Variants in ST6GALNAC3 observed in about 807,000 individuals in gnomAD.
ST6GALNAC3 encodes ST6 N-acetylgalactosaminide alpha-2,6-sialyltransferase 3.
ST6GALNAC3 carries 25 observed loss-of-function variants against 32.7 expected under a neutral mutation model. The ratio of observed to expected loss-of-function variants is 0.76; its 90% CI spans 0.56 to 1.07. The LOEUF (loss-of-function observed/expected upper bound fraction) is 1.07. Ranked by LOEUF, ST6GALNAC3 falls within the 50% of genes least tolerant of loss-of-function variation. The pLI, the probability that ST6GALNAC3 is intolerant of heterozygous loss-of-function variation, is 0.00. For synonymous variants in ST6GALNAC3, 129 were observed against 133.1 expected (o/e 0.97, Z 0.21); for missense variants, 355 against 382.4 (o/e 0.93, Z 0.60).
At chr1:76,168,289 A>G (rs1220209934) in intron 1 of ST6GALNAC3, among the ~76,000 whole-genome samples, 18 of 152,084 alleles carry the variant, frequency 1.2e-4, no homozygotes. Flanking sequence ...ATGTAATTGT[A>G]TGGTTTTGAG....
At chr1:76,636,778 C>T (rs1649515760), downstream of ST6GALNAC3, 2 of 151,986 alleles carry the variant, frequency 1.3e-5, no homozygotes, top group South Asian at 2.1e-4. Context: ...GAAAGTACTT[C>T]GCATGTTAGC....
At chr1:76,312,662 T>A (rs1646788825) in intron 1 of ST6GALNAC3, among the ~76,000 whole-genome samples, 1 of 152,190 alleles carries the variant, frequency 6.6e-6, no homozygotes, top group South Asian at 2.1e-4. Context: ...AGAAGACATT[T>A]ATGTGGCCAA....
At chr1:76,405,546 T>G (rs1004950066) in intron 2 of ST6GALNAC3, among the ~76,000 whole-genome samples, 20 of 151,964 alleles carry the variant, frequency 1.3e-4, no homozygotes, top group Admixed American at 1.1e-3. Context: ...GAAACTGGCC[T>G]AGGAGAGTGA....
chr1:76,447,320 C>T (rs1657050198), intron 3 of ST6GALNAC3, among the ~76,000 whole-genome samples: 1 of 152,124 alleles, frequency 6.6e-6, no homozygotes, highest in Non-Finnish European at 1.5e-5. Context: ...AATTTCTAAG[C>T]AGCAAAGCAT....
At position 76,428,228 on chromosome 1, in the gene ST6GALNAC3, A is replaced by G. The variant is rs76075439; in HGVS notation, c.623+15811A>G. On this transcript the variant is annotated intron_variant, in intron 3 of 4. Transcript: ENST00000328299. ...TCCTGACATACAACCCTGAAATTGA[A>G]CAATTCAAAAAATTTCCCAGAAATG... 6.2e-3 allele frequency among the ~76,000 whole-genome samples: 940 copies of G among 152,152 alleles called. 8 individuals carry two copies. Among genetic ancestry groups the G allele is most frequent in the Admixed American group, 0.012 (178 of 15,256 alleles).
intron 2 of ST6GALNAC3, among the ~76,000 whole-genome samples, chr1:76,343,024 G>A (rs550453264): frequency 3.3e-5 from 5 of 152,142 alleles, no homozygotes; most frequent in East Asian, 1.9e-4. Context: ...TTTGTAGGTC[G>A]TCTGTTTACT....
At chr1:76,086,029 G>T (rs1448242998) in intron 1 of ST6GALNAC3, among the ~76,000 whole-genome samples, 1 of 152,178 alleles carries the variant, frequency 6.6e-6, no homozygotes, top group Non-Finnish European at 1.5e-5. Flanking sequence ...CGAGCTAGGG[G>T]CTGGGACTAA....
At chr1:76,581,953 C>G (rs1167643055) in intron 3 of ST6GALNAC3, among the ~76,000 whole-genome samples, 1 of 152,142 alleles carries the variant, frequency 6.6e-6, no homozygotes, top group African/African-American at 2.4e-5. Context: ...ACAGTTTCTT[C>G]TTGTGTCTAA....
At chr1:76,612,903 G>T (rs1385860782) in intron 3 of ST6GALNAC3, among the ~76,000 whole-genome samples, 1 of 152,212 alleles carries the variant, frequency 6.6e-6, no homozygotes, top group Non-Finnish European at 1.5e-5. Flanking sequence ...ATCAAGGAAA[G>T]AACTTTGTGC....
At chr1:76,191,270 A>G (rs762572400) in intron 1 of ST6GALNAC3, among the ~76,000 whole-genome samples, 1 of 151,964 alleles carries the variant, frequency 6.6e-6, no homozygotes, top group Non-Finnish European at 1.5e-5. Flanking sequence ...GACAAATACC[A>G]TATGATCTCA....
intron 2 of ST6GALNAC3, among the ~76,000 whole-genome samples, chr1:76,357,130 C>CTTTCTTTTTTTTTTTT (rs1165946045): frequency 6.3e-5 from 7 of 111,176 alleles, no homozygotes; most frequent in African/African-American, 2.4e-4. Context: ...TTTTCTTTTT[C>CTTTCTTTTTTTTTTTT]TTTTTTTTTT....
intron 3 of ST6GALNAC3, among the ~76,000 whole-genome samples, chr1:76,425,177 A>G (rs2101402853): frequency 6.6e-6 from 1 of 152,118 alleles, no homozygotes; most frequent in East Asian, 1.9e-4. Context: ...ATCACAAACT[A>G]GAGGCAGAAC....
chr1:76,171,151 A>T (rs948115243), intron 1 of ST6GALNAC3, among the ~76,000 whole-genome samples: 65 of 151,740 alleles, frequency 4.3e-4, no homozygotes, highest in African/African-American at 1.5e-3. Context: ...AAATAATCAT[A>T]TTATATAGAG....
chr1:76,630,994 T>C lies in ST6GALNAC3; in HGVS notation c.*2188T>C. The C allele has an allele frequency of 1.0e-6, 1 of 985,690 alleles. No individual in the cohort carries two copies. The highest frequency in any genetic ancestry group is 4.7e-5 in the South Asian group (1 of 21,290). The allele number at this position is 985,690 out of a possible 1,614,324, so 61.1% of individuals were successfully genotyped here. On this transcript the variant is annotated 3_prime_UTR_variant, in exon 5 of 5. Transcript: ENST00000328299. ...TTAATTTATTTAGTTTTCTAATAAATGAAGGGCCAACTCTTATTTGTTCTA... is the reference window on the plus strand; with the variant it reads ...TTAATTTATTTAGTTTTCTAATAAACGAAGGGCCAACTCTTATTTGTTCTA...
At chr1:76,620,451 C>G (rs1411062414) in intron 3 of ST6GALNAC3, among the ~76,000 whole-genome samples, 1 of 152,042 alleles carries the variant, frequency 6.6e-6, no homozygotes, top group Non-Finnish European at 1.5e-5. Flanking sequence ...ATAGCTTAAA[C>G]AGCAGAAGTT....
At chr1:76,547,428 G>C (rs1340711984) in intron 3 of ST6GALNAC3, among the ~76,000 whole-genome samples, 1 of 152,166 alleles carries the variant, frequency 6.6e-6, no homozygotes, top group African/African-American at 2.4e-5. Context: ...CCTAAGACAC[G>C]GTTGACTAGG....
chr1:76,509,824 T>C lies in ST6GALNAC3; in HGVS notation c.623+97407T>C, dbSNP rs6664614. Reference sequence around the variant, plus strand: ...TCACATTGCTGTTTCTCTATTTCTCTTTTAAGGACCCCCATGGTTACATTG... The same window carrying C: ...TCACATTGCTGTTTCTCTATTTCTCCTTTAAGGACCCCCATGGTTACATTG... On this transcript the variant is annotated intron_variant, in intron 3 of 4. Transcript: ENST00000328299. The surrounding 1 kb of genome is among the most constrained non-coding windows in gnomAD (Gnocchi z 5.5). Among the ~76,000 whole-genome samples the C allele has an allele frequency of 0.12, 17,746 of 152,184 alleles. 3,509 individuals carry two copies. Among genetic ancestry groups the C allele is most frequent in the African/African-American group, 0.41 (16,871 of 41,456 alleles).
chr1:76,142,815 A>C, intron 1 of ST6GALNAC3: 1 of 447,582 alleles, frequency 2.2e-6, no homozygotes, highest in Non-Finnish European at 4.5e-6. Flanking sequence ...CTTGTCTTGA[A>C]TGCCTGCCTT....
chr1:76,494,424 C>CGT (rs1557487202), intron 3 of ST6GALNAC3, among the ~76,000 whole-genome samples: 4 of 71,072 alleles, frequency 5.6e-5, no homozygotes, highest in Non-Finnish European at 1.1e-4. Context: ...AGGATGTGTG[C>CGT]ATGTGTATAT....
Sources: gnomAD v4.1 joint callset for allele counts (sites outside exome capture counted in the v4.1 genomes callset) on GRCh38, gnomAD v4.1.1 for gene constraint, Gnocchi (gnomAD v3.1) non-coding constraint, MANE v1.5 for transcripts, NCBI Gene and HGNC (gene_info 2026-07-23, HGNC 2026-07-21) for gene names.